Variants in ZBTB7A observed in about 807,000 individuals in gnomAD.
ZBTB7A encodes zinc finger and BTB domain-containing protein 7A.
Under a neutral mutation model 26.7 loss-of-function variants are expected in ZBTB7A, and 7 were observed. That is an observed-to-expected ratio of 0.26 (90% CI 0.15 to 0.49). The LOEUF (loss-of-function observed/expected upper bound fraction) is 0.49, where lower values mean the gene tolerates loss of function less well. Ranked by LOEUF, ZBTB7A falls within the 20% of genes least tolerant of loss-of-function variation. ZBTB7A has a pLI of 0.98. For synonymous variants in ZBTB7A, 452 were observed against 441.0 expected, an observed-to-expected ratio of 1.02 and a Z score of -0.31; for missense variants, 617 against 919.5, an observed-to-expected ratio of 0.67 and a Z score of 4.25.
Position 4,061,455 on chromosome 19 carries a change from GC to G in ZBTB7A, c.-16+5226del, listed in dbSNP as rs372483842. 7.8e-3 allele frequency among the ~76,000 whole-genome samples: 1,180 copies of G among 152,242 alleles called. 14 individuals carry two copies. The highest frequency in any genetic ancestry group is 0.027 in the African/African-American group (1,121 of 41,556). On this transcript the variant is annotated intron_variant, in intron 1 of 2. Coordinates refer to ENST00000322357, the MANE Select transcript of ZBTB7A (RefSeq NM_015898.4). ...CTGACCTGGTGCCAAGCCCCGCCTG[GC>G]CCAGTCCTCGGCCTGGGTTTAATGG... is the stretch of plus-strand genomic sequence containing the variant.
At chr19:4,062,954 T>G (rs2040654828) in intron 1 of ZBTB7A, among the ~76,000 whole-genome samples, 2 of 152,172 alleles carry the variant, frequency 1.3e-5, no homozygotes, top group South Asian at 4.2e-4. Flanking sequence ...GGGGAGTGAC[T>G]GCTGGGGTGG....
chr19:4,053,590 T>C (rs549206990), intron 2 of ZBTB7A, among the ~76,000 whole-genome samples: 1 of 150,104 alleles, frequency 6.7e-6, no homozygotes, highest in African/African-American at 2.5e-5. Context: ...GGTGTGCGTG[T>C]GTGTGCGTGC....
At chr19:4,050,589 G>C (rs1041265230) in intron 2 of ZBTB7A, among the ~76,000 whole-genome samples, 1 of 152,150 alleles carries the variant, frequency 6.6e-6, no homozygotes, top group Admixed American at 6.6e-5. Context: ...TTGGAATGTG[G>C]CCACTCTGAA....
intron 2 of ZBTB7A, among the ~76,000 whole-genome samples, chr19:4,049,888 C>T (rs2040480056): frequency 6.6e-6 from 1 of 152,220 alleles, no homozygotes; most frequent in Admixed American, 6.5e-5. Context: ...CTTCCCCAGC[C>T]CTGTCTCCAT....
intron 2 of ZBTB7A, among the ~76,000 whole-genome samples, chr19:4,051,689 G>T (rs1001469647): frequency 6.6e-6 from 1 of 152,236 alleles, no homozygotes; most frequent in Non-Finnish European, 1.5e-5. Flanking sequence ...CCACGGCAAG[G>T]TCTCCGGGCT....
Position 4,054,577 on chromosome 19 carries a change from A to C in ZBTB7A, c.656T>G (p.Phe219Cys), listed in dbSNP as rs2040551026. The change falls in exon 2 of 3, where the codon TTC becomes TGC. Residue 219 changes from phenylalanine to cysteine, a missense_variant. By Grantham distance (205) the Phe-to-Cys change is radical. Around this residue, in one of 5 missense-constraint regions of ZBTB7A, gnomAD observed 331 missense variants for 391.3 expected, o/e 0.85. Coordinates refer to ENST00000322357, the MANE Select transcript of ZBTB7A (RefSeq NM_015898.4). Reference sequence around the variant, plus strand: ...CTCGGCCGGGGGGCCCGGCCCATAGAAGTCTAAGCCGTTGCAGTCGCCCGC... The same window carrying C: ...CTCGGCCGGGGGGCCCGGCCCATAGCAGTCTAAGCCGTTGCAGTCGCCCGC... ...VAAGDCNGLD[F>C]YGPGPPAERP... is the part of the protein sequence containing the mutation. 1 of 1,534,934 alleles carries C rather than the reference A, an allele frequency of 6.5e-7. No individual in the cohort carries two copies. The highest frequency in any genetic ancestry group is 1.4e-5 in the African/African-American group (1 of 72,196).
intron 1 of ZBTB7A, among the ~76,000 whole-genome samples, chr19:4,056,367 C>CACTTCCCACACT (rs2040577748): frequency 6.6e-6 from 1 of 152,192 alleles, no homozygotes; most frequent in African/African-American, 2.4e-5. Flanking sequence ...CCACACTGGA[C>CACTTCCCACACT]GCTTAAATTT....
chr19:4,066,472 C>A (rs938514554), intron 1 of ZBTB7A, among the ~76,000 whole-genome samples: 1 of 151,660 alleles, frequency 6.6e-6, no homozygotes, highest in Admixed American at 6.6e-5. Flanking sequence ...CCCAATCCCC[C>A]CTTCCCGGGC....
chr19:4,052,227 G>C lies in ZBTB7A; in HGVS notation c.1262+1744C>G, dbSNP rs1459384183. ...GGCCTGCGGCCAGGGAGGCAGGGTG[G>C]GGGTCACCACCTTCGCTCAGCCTGG... On this transcript the variant is annotated intron_variant, in intron 2 of 2. Transcript: ENST00000322357. The surrounding 1 kb of genome is among the most constrained non-coding windows in gnomAD (Gnocchi z 4.9). Among the ~76,000 whole-genome samples the C allele has an allele frequency of 3.3e-5, 5 of 152,142 alleles. 1 individual carries two copies. In the South Asian group the frequency reaches 1.0e-3, roughly 32 times the overall value.
chr19:4,057,016 G>C (rs1332533168), intron 1 of ZBTB7A, among the ~76,000 whole-genome samples: 1 of 120,284 alleles, frequency 8.3e-6, no homozygotes, highest in Non-Finnish European at 1.7e-5. Context: ...AACACAGCGA[G>C]ACTCGGTCTG....
At chr19:4,057,563 G>C (rs1160492540) in intron 1 of ZBTB7A, among the ~76,000 whole-genome samples, 1 of 151,988 alleles carries the variant, frequency 6.6e-6, no homozygotes, top group Non-Finnish European at 1.5e-5. Context: ...GCCAAGGTGG[G>C]TGGATCATGA....
At position 4,046,776 on chromosome 19, in the gene ZBTB7A, A is replaced by C. The variant is rs572492988; in HGVS notation, c.*976T>G. The stretch of plus-strand genomic sequence containing the variant: ...GAGGAAAAGTATATTATTTATATAT[A>C]TATATATATCTATATATAAATTTTG... On this transcript the variant is annotated 3_prime_UTR_variant, in exon 3 of 3. Transcript: ENST00000322357. 14 of 147,322 alleles carry C rather than the reference A, an allele frequency of 9.5e-5. No homozygotes were observed. The South Asian group carries it at 1.9e-3, about 20-fold the overall frequency. 9.1% of individuals were successfully genotyped at this position (147,322 alleles called of 1,614,324 possible).
At chr19:4,055,405 T>A (rs1284386666) in intron 1 of ZBTB7A, 158 bp from the exon 2 acceptor site, 3 of 985,266 alleles carry the variant, frequency 3.0e-6, no homozygotes, top group Non-Finnish European at 3.6e-6. Context: ...TGTCGCGCCT[T>A]TCCAGCCCCA....
At chr19:4,061,035 G>A (rs926508218) in intron 1 of ZBTB7A, among the ~76,000 whole-genome samples, 3 of 152,182 alleles carry the variant, frequency 2.0e-5, no homozygotes, top group African/African-American at 4.8e-5. Flanking sequence ...TCTCCTGGGG[G>A]ATGGGGGTCG....
In ZBTB7A at chr19:4,061,854, C is replaced by G. The variant is rs1021482502; in HGVS notation, c.-16+4828G>C. 10 of 152,388 alleles carry G rather than the reference C, an allele frequency of 6.6e-5. No homozygotes were observed. The East Asian group carries it at 1.9e-3, about 29-fold the overall frequency. 9.4% of individuals were successfully genotyped at this position (152,388 alleles called of 1,614,324 possible). On this transcript the variant is annotated intron_variant, in intron 1 of 2. Coordinates refer to ENST00000322357, the MANE Select transcript of ZBTB7A (RefSeq NM_015898.4). ...CAGGAAGCCCAGACTACAGCCCGAGCCCAGGTTCCAAGAGGAAGCTTCATG... is the reference window on the plus strand; with the variant it reads ...CAGGAAGCCCAGACTACAGCCCGAGGCCAGGTTCCAAGAGGAAGCTTCATG...
chr19:4,052,679 C>T lies in ZBTB7A; in HGVS notation c.1262+1292G>A, dbSNP rs1042914796. Among the ~76,000 whole-genome samples the T allele has an allele frequency of 1.3e-5, 2 of 152,186 alleles. No homozygotes were observed. The highest frequency in any genetic ancestry group is 2.4e-5 in the African/African-American group (1 of 41,450). ...GCCTGGCCAGGTCCCTGCCTGCCAG[C>T]CCCCTGCCCCCACCGCTACAGCCCG... On this transcript the variant is annotated intron_variant, in intron 2 of 2. Transcript: ENST00000322357. This position sits in a 1 kb window ranked among gnomAD's most constrained non-coding sequence, Gnocchi z 4.9.
intron 2 of ZBTB7A, among the ~76,000 whole-genome samples, chr19:4,050,114 G>C (rs2040484170): frequency 6.6e-6 from 1 of 151,886 alleles, no homozygotes; most frequent in Non-Finnish European, 1.5e-5. Flanking sequence ...TAGTAGAGAC[G>C]GGGTTTCACC....
intron 1 of ZBTB7A, among the ~76,000 whole-genome samples, chr19:4,060,231 G>A (rs1450916003): frequency 6.6e-6 from 1 of 152,056 alleles, no homozygotes; most frequent in Non-Finnish European, 1.5e-5. Flanking sequence ...TCCCAGGGTG[G>A]CGCATAGTAG....
At chr19:4,066,644 G>C (rs1353265608) in intron 1 of ZBTB7A, 38 bp downstream of exon 1, 4 of 151,310 alleles carry the variant, frequency 2.6e-5, no homozygotes, top group Non-Finnish European at 5.9e-5. Flanking sequence ...TCCCCGCCCT[G>C]CACCCCGTGC....
Sources: gnomAD v4.1 joint callset for allele counts (sites outside exome capture counted in the v4.1 genomes callset) on GRCh38, gnomAD v4.1.1 for gene constraint, gnomAD v4.1.1 regional missense constraint, Gnocchi (gnomAD v3.1) non-coding constraint, MANE v1.5 for transcripts, NCBI Gene and HGNC (gene_info 2026-07-23, HGNC 2026-07-21) for gene names.